The following TBC1D19 variants were observed in gnomAD, a reference collection of about 807,000 sequenced individuals.
The protein encoded by TBC1D19 is TBC1 domain family, member 19.
In TBC1D19, 60 loss-of-function variants were observed where a neutral mutation model predicts 89.0. The ratio of observed to expected loss-of-function variants is 0.67; its 90% confidence interval spans 0.55 to 0.84. The LOEUF is 0.84. Among genes scored for constraint, TBC1D19 ranks in the 40% least tolerant of loss-of-function variants. The pLI is 0.00. For missense variants in TBC1D19, 500 were observed against 610.8 expected (o/e 0.82, Z 1.91); for synonymous variants, 189 against 199.7 (o/e 0.95, Z 0.45).
rs1212337736 is a variant in TBC1D19 at position 26,667,659 on chromosome 4, T to G, written c.664+1254T>G. ...ACAGATAAGGCTACTATGATCATTCTAGTATGTGTTTTTTGGTGAACGTAT... is the reference window on the plus strand; with the variant it reads ...ACAGATAAGGCTACTATGATCATTCGAGTATGTGTTTTTTGGTGAACGTAT... On this transcript the variant is annotated intron_variant, in intron 9 of 20. Transcript: ENST00000264866. Among the ~76,000 whole-genome samples, 4 of 152,192 alleles carry G rather than the reference T, an allele frequency of 2.6e-5. No individual in the cohort carries two copies. The East Asian group carries it at 7.7e-4, about 29-fold the overall frequency.
chr4:26,650,401 C>G (rs142955143), intron 7 of TBC1D19, among the ~76,000 whole-genome samples: 1,537 of 152,286 alleles, frequency 0.01, 17 homozygotes, highest in African/African-American at 0.033. Flanking sequence ...TAATGATCCT[C>G]ATTCTAACTG....
chr4:26,724,485 A>G (rs1031507919), intron 15 of TBC1D19, among the ~76,000 whole-genome samples: 1 of 152,090 alleles, frequency 6.6e-6, no homozygotes, highest in African/African-American at 2.4e-5. Context: ...TGACTTTTCT[A>G]AATATTTTTA....
At chr4:26,715,041 T>C (rs1716496028) in intron 13 of TBC1D19, among the ~76,000 whole-genome samples, 1 of 152,072 alleles carries the variant, frequency 6.6e-6, no homozygotes, top group Non-Finnish European at 1.5e-5. Context: ...CTCACCTATT[T>C]TGTGGCTTTC....
chr4:26,622,001 A>C (rs1742080081), intron 4 of TBC1D19, among the ~76,000 whole-genome samples: 1 of 152,042 alleles, frequency 6.6e-6, no homozygotes, highest in Non-Finnish European at 1.5e-5. Flanking sequence ...GGACAAAAAA[A>C]CCAAACACCG....
At chr4:26,831,686 G>A in the TBC1D19 span, among the ~76,000 whole-genome samples, 10 of 150,486 alleles carry the variant, frequency 6.6e-5, no homozygotes, top group African/African-American at 2.4e-4. Context: ...GAGTTCAAGC[G>A]ATTCTCCTGC....
chr4:26,657,065 C>G (rs1387500083), intron 7 of TBC1D19, among the ~76,000 whole-genome samples: 10 of 148,564 alleles, frequency 6.7e-5, no homozygotes, highest in East Asian at 2.0e-4. Context: ...TGTTCTTCTT[C>G]TTCTTCTTCT....
chr4:26,840,625 C>T, the TBC1D19 span, among the ~76,000 whole-genome samples: 1 of 152,098 alleles, frequency 6.6e-6, no homozygotes, highest in African/African-American at 2.4e-5. Context: ...CTTCTATTTT[C>T]TCCTCCTCGT....
intron 19 of TBC1D19, among the ~76,000 whole-genome samples, chr4:26,753,476 A>G (rs1719092362): frequency 6.6e-6 from 1 of 152,206 alleles, no homozygotes. Flanking sequence ...CCAAAAAACA[A>G]AAACAAAAAC....
At chr4:26,840,689 G>T in the TBC1D19 span, among the ~76,000 whole-genome samples, 1 of 152,156 alleles carries the variant, frequency 6.6e-6, no homozygotes, top group Non-Finnish European at 1.5e-5. Flanking sequence ...CAGTGCAGTT[G>T]CCCTGAGCCC....
chr4:26,693,413 G>A (rs1315924598), intron 13 of TBC1D19, among the ~76,000 whole-genome samples: 2 of 152,086 alleles, frequency 1.3e-5, no homozygotes, highest in African/African-American at 4.8e-5. Context: ...GTAAAGTAAG[G>A]CCAGATGCAG....
chr4:26,711,769 A>G (rs1478394416), intron 13 of TBC1D19, among the ~76,000 whole-genome samples: 1 of 152,080 alleles, frequency 6.6e-6, no homozygotes, highest in South Asian at 2.1e-4. Context: ...TCATATAATC[A>G]TACCATTTTC....
At chr4:26,633,309 G>A (rs1211096755) in intron 4 of TBC1D19, among the ~76,000 whole-genome samples, 1 of 152,110 alleles carries the variant, frequency 6.6e-6, no homozygotes, top group Non-Finnish European at 1.5e-5. Context: ...CCAAGAGGCT[G>A]AATTAGAGAC....
intron 12 of TBC1D19, among the ~76,000 whole-genome samples, chr4:26,685,954 C>T (rs1471894706): frequency 6.6e-6 from 1 of 152,024 alleles, no homozygotes; most frequent in Non-Finnish European, 1.5e-5. Flanking sequence ...AAATTTGTTC[C>T]AAGAAGGAAG....
At chr4:26,663,136 G>A (rs1034552783) in intron 8 of TBC1D19, 1 of 152,112 alleles carries the variant, frequency 6.6e-6, no homozygotes, top group African/African-American at 2.4e-5. Context: ...ATATTAAGGA[G>A]GGTCTTTTCA....
chr4:26,696,590 T>C (rs1384924452), intron 13 of TBC1D19, among the ~76,000 whole-genome samples: 4 of 152,174 alleles, frequency 2.6e-5, no homozygotes, highest in Admixed American at 2.6e-4. Flanking sequence ...TATTCCAAAA[T>C]TGACCACATA....
At chr4:26,798,484 T>A in the TBC1D19 span, among the ~76,000 whole-genome samples, 3 of 151,896 alleles carry the variant, frequency 2.0e-5, no homozygotes, top group Admixed American at 6.6e-5. Flanking sequence ...CTATGGAAAA[T>A]GGTATGGAGA....
intron 13 of TBC1D19, among the ~76,000 whole-genome samples, chr4:26,691,586 AT>A (rs141552141): frequency 2.2e-4 from 33 of 149,316 alleles, no homozygotes; most frequent in East Asian, 9.7e-4. Context: ...GGTTATTAGC[AT>A]TTTTTTTTTA....
the TBC1D19 span, among the ~76,000 whole-genome samples, chr4:26,769,972 T>C: frequency 1.3e-5 from 2 of 150,392 alleles, no homozygotes; most frequent in African/African-American, 4.9e-5. Flanking sequence ...GAGTTACAAC[T>C]AATAAAGGAG....
At chr4:26,762,657 G>T in the TBC1D19 span, among the ~76,000 whole-genome samples, 1 of 152,182 alleles carries the variant, frequency 6.6e-6, no homozygotes, top group Admixed American at 6.5e-5. Flanking sequence ...CGGCAAAAGG[G>T]ACTTGCTGAT....
Sources: allele counts gnomAD v4.1 joint callset (sites outside exome capture counted in the v4.1 genomes callset), GRCh38; gene constraint gnomAD v4.1.1; transcripts MANE v1.5; gene names NCBI Gene and HGNC (gene_info 2026-07-23, HGNC 2026-07-21).